The following DENND6A variants were observed in gnomAD, a reference collection of about 807,000 sequenced individuals.
DENND6A encodes the protein protein DENND6A.
In DENND6A, 43 loss-of-function variants were observed where a neutral mutation model predicts 95.5. The ratio of observed to expected loss-of-function variants is 0.45; its 90% CI spans 0.35 to 0.58. The LOEUF is 0.58. Among genes scored for constraint, DENND6A ranks in the 20% least tolerant of loss-of-function variants. The probability of loss-of-function intolerance (pLI) is 0.00; values close to 1 mark genes in which losing one functional copy is unlikely to be tolerated. For missense variants in DENND6A, 574 were observed against 736.0 expected (o/e 0.78, Z 2.55); for synonymous variants, 257 against 260.4 (o/e 0.99, Z 0.13).
intron 15 of DENND6A, among the ~76,000 whole-genome samples, chr3:57,632,627 A>C (rs2070710552): frequency 6.6e-6 from 1 of 152,242 alleles, no homozygotes; most frequent in South Asian, 2.1e-4. Flanking sequence ...TATAATGTTC[A>C]TAGATATATT....
At chr3:57,646,572 A>T in intron 9 of DENND6A, 134 bp from the exon 10 acceptor site, 6 of 1,266,992 alleles carry the variant, frequency 4.7e-6, no homozygotes, top group Non-Finnish European at 5.3e-6. Context: ...TGATACACAA[A>T]TTCATTTAGA....
chr3:57,658,426 G>A (rs1386821011), intron 8 of DENND6A, among the ~76,000 whole-genome samples: 1 of 152,148 alleles, frequency 6.6e-6, no homozygotes, highest in Non-Finnish European at 1.5e-5. Context: ...CTACTTAGGA[G>A]GCTGAGGTGG....
chr3:57,655,407 G>A (rs74647412), intron 9 of DENND6A, among the ~76,000 whole-genome samples: 1 of 152,282 alleles, frequency 6.6e-6, no homozygotes, highest in African/African-American at 2.4e-5. Context: ...ATATCCAGGA[G>A]ACAAGACATG....
intron 5 of DENND6A, among the ~76,000 whole-genome samples, chr3:57,662,197 T>TTC (rs1161541990): frequency 2.9e-4 from 40 of 136,686 alleles, no homozygotes; most frequent in African/African-American, 8.0e-4. Context: ...TTTTTTTTTT[T>TTC]TTTTTTTTTT....
At chr3:57,637,821 A>G (rs1157658934) in intron 12 of DENND6A, among the ~76,000 whole-genome samples, 1 of 149,912 alleles carries the variant, frequency 6.7e-6, no homozygotes, top group Non-Finnish European at 1.5e-5. Flanking sequence ...AAATAAATAA[A>G]TAAGACTATT....
rs1424643178 is a variant in DENND6A, at chr3:57,625,891, C to T, written c.*2323G>A. 6.6e-6 allele frequency: 1 copy of T among 152,488 alleles called. No homozygotes were observed. Among genetic ancestry groups the T allele is most frequent in the African/African-American group, 2.4e-5 (1 of 41,362 alleles). The allele number at this position is 152,488 out of a possible 1,614,324, so 9.4% of individuals were successfully genotyped here. Reference sequence around the variant, plus strand: ...GCAAAATAGACTTGAAATGATACATCCTGTAGTGGCATAATTTAAAAGATC... The same window carrying T: ...GCAAAATAGACTTGAAATGATACATTCTGTAGTGGCATAATTTAAAAGATC... On this transcript the variant is annotated 3_prime_UTR_variant, in exon 20 of 20. Coordinates refer to ENST00000311128, the MANE Select transcript of DENND6A (RefSeq NM_152678.3).
intron 11 of DENND6A, 82 bp downstream of exon 11, chr3:57,645,579 T>C: frequency 3.9e-6 from 4 of 1,038,692 alleles, no homozygotes; most frequent in Non-Finnish European, 5.7e-6. Context: ...ATTCTGCCTA[T>C]AAGCTTTTAT....
In DENND6A at chr3:57,693,013, A is replaced by T. The variant is rs1456174932; in HGVS notation, c.6T>A (p.Ala2=). 1.4e-6 allele frequency: 2 copies of T among 1,474,494 alleles called. No homozygotes were observed. The highest frequency in any genetic ancestry group is 1.8e-6 in the Non-Finnish European group (2 of 1,125,340). The allele number at this position is 1,474,494 out of a possible 1,614,324, so 91.3% of individuals were successfully genotyped here. Residue 2 remains alanine (A), a synonymous_variant, in exon 1 of 20, where the codon GCT becomes GCA. Transcript: ENST00000311128. The part of the protein sequence containing the change: M[A]LRGPAGLGPG... ...GCCCCAAGCCCGCAGGGCCCCTCAA[A>T]GCCATCGGCCGCCCCCTGACCGTTC...
intron 1 of DENND6A, 40 bp downstream of exon 1, chr3:57,692,742 C>G (rs775861430): frequency 2.8e-6 from 4 of 1,403,858 alleles, no homozygotes; most frequent in Non-Finnish European, 3.7e-6. Context: ...CGCCCCGGCG[C>G]AGGGGAGGAG....
At chr3:57,647,575 C>A (rs1326830233) in intron 9 of DENND6A, among the ~76,000 whole-genome samples, 1 of 152,142 alleles carries the variant, frequency 6.6e-6, no homozygotes, top group Non-Finnish European at 1.5e-5. Context: ...GAAGCACAGA[C>A]AGGTAGCCTG....
At chr3:57,638,475 T>C (rs962526857) in intron 12 of DENND6A, among the ~76,000 whole-genome samples, 24 of 150,696 alleles carry the variant, frequency 1.6e-4, no homozygotes, top group Non-Finnish European at 3.0e-4. Context: ...CTGGCCAACA[T>C]GGTGAATCCC....
chr3:57,628,139 C>T lies in DENND6A; in HGVS notation c.*75G>A, dbSNP rs2070572746. The T allele has an allele frequency of 2.6e-6, 4 of 1,553,548 alleles. No homozygotes were observed. Among genetic ancestry groups the T allele is most frequent in the Admixed American group, 1.9e-5 (1 of 52,840 alleles). On this transcript the variant is annotated 3_prime_UTR_variant, in exon 20 of 20. Coordinates refer to ENST00000311128, the MANE Select transcript of DENND6A (RefSeq NM_152678.3). ...CACTCCGCTGCCACTGAGAGATCTC[C>T]TTTGTGCGTCTGGTTGAAATGTCAG...
chr3:57,675,154 A>C (rs1347684304), intron 1 of DENND6A, among the ~76,000 whole-genome samples: 1 of 152,240 alleles, frequency 6.6e-6, no homozygotes, highest in East Asian at 1.9e-4. Context: ...AAAGACAAAA[A>C]GCAAAACAAA....
chr3:57,657,572 T>A, intron 9 of DENND6A, 108 bp downstream of exon 9: 1 of 699,632 alleles, frequency 1.4e-6, no homozygotes. Flanking sequence ...ACATAACTAT[T>A]TTCTTCCAAT....
At chr3:57,636,694 T>C (rs1236173840) in intron 12 of DENND6A, among the ~76,000 whole-genome samples, 1 of 151,984 alleles carries the variant, frequency 6.6e-6, no homozygotes, top group East Asian at 1.9e-4. Context: ...CTCAGCACTT[T>C]GGAAAGCTGA....
At chr3:57,668,601 C>A (rs905155780) in intron 3 of DENND6A, among the ~76,000 whole-genome samples, 1 of 152,122 alleles carries the variant, frequency 6.6e-6, no homozygotes, top group Admixed American at 6.6e-5. Flanking sequence ...AAAACTGAAA[C>A]CTAAAAAACC....
intron 17 of DENND6A, 50 bp from the exon 18 acceptor site, chr3:57,630,573 T>C: frequency 6.5e-7 from 1 of 1,543,514 alleles, no homozygotes; most frequent in Non-Finnish European, 8.7e-7. Flanking sequence ...ACTTATTTCC[T>C]TTCCTCAATA....
intron 1 of DENND6A, 75 bp from the exon 2 acceptor site, chr3:57,672,513 T>C (rs1452826369): frequency 4.2e-6 from 6 of 1,441,160 alleles, no homozygotes; most frequent in Non-Finnish European, 4.8e-6. Flanking sequence ...CCAGGCACGG[T>C]GGCTCACGCT....
chr3:57,650,493 A>C (rs1379417492), intron 9 of DENND6A, among the ~76,000 whole-genome samples: 1 of 151,990 alleles, frequency 6.6e-6, no homozygotes, highest in Non-Finnish European at 1.5e-5. Flanking sequence ...GAGAGGGTCT[A>C]AAAGCAATGA....
Sources: gnomAD v4.1 joint callset for allele counts (sites outside exome capture counted in the v4.1 genomes callset) on GRCh38, gnomAD v4.1.1 for gene constraint, MANE v1.5 for transcripts, NCBI Gene and HGNC (gene_info 2026-07-23, HGNC 2026-07-21) for gene names.